Variants in CEP68 observed in about 807,000 individuals in gnomAD.
CEP68 encodes centrosomal protein of 68 kDa.
Under a neutral mutation model 55.3 loss-of-function variants are expected in CEP68, and 26 were observed. The ratio of observed to expected loss-of-function variants is 0.47; its 90% CI spans 0.34 to 0.65. The LOEUF is 0.65. Among genes scored for constraint, CEP68 ranks in the 30% least tolerant of loss-of-function variants. The pLI is 0.01. For synonymous variants in CEP68, 402 were observed against 383.2 expected, an observed-to-expected ratio of 1.05 and a Z score of -0.57; for missense variants, 957 against 946.7, an observed-to-expected ratio of 1.01 and a Z score of -0.14.
intron 4 of CEP68, 41 bp downstream of exon 4, chr2:65,074,445 G>C: frequency 1.2e-6 from 2 of 1,613,726 alleles, no homozygotes; most frequent in Non-Finnish European, 1.7e-6. Flanking sequence ...CCTCACAAGA[G>C]TGTGGCTAAA....
intron 4 of CEP68, among the ~76,000 whole-genome samples, chr2:65,075,859 G>T (rs1258556796): frequency 6.6e-6 from 1 of 152,084 alleles, no homozygotes; most frequent in African/African-American, 2.4e-5. Flanking sequence ...CAATTTACAT[G>T]TGCTTGGGCC....
chr2:65,071,432 T>G (rs759394853), intron 2 of CEP68, 22 bp from the exon 3 acceptor site: 1 of 1,598,124 alleles, frequency 6.3e-7, no homozygotes, highest in Non-Finnish European at 8.6e-7. Context: ...CCAAGTGCTT[T>G]TTGTCCCTTT....
chr2:65,069,626 T>C lies in CEP68; in HGVS notation c.182T>C (p.Ile61Thr), dbSNP rs1282613452. The C allele has an allele frequency of 1.9e-6, 3 of 1,614,042 alleles. No individual in the cohort carries two copies. Among genetic ancestry groups the C allele is most frequent in the South Asian group, 1.1e-5 (1 of 91,084 alleles). ...LISPVWGAEGIPAPTCWIGTD... is the reference protein window; with the variant it reads ...LISPVWGAEGTPAPTCWIGTD... ...TCCCCTGTATGGGGGGCAGAAGGGA[T>C]ACCTGCCCCTACTTGCTGGATTGGG... The change falls in exon 2 of 7, where the codon ATA becomes ACA. Residue 61 changes from isoleucine (I) to threonine (T), a missense_variant. Transcript: ENST00000377990.
chr2:65,074,091 C>T (rs1558564981), intron 3 of CEP68, 191 bp from the exon 4 acceptor site: 1 of 582,120 alleles, frequency 1.7e-6, no homozygotes, highest in Non-Finnish European at 2.9e-6. Flanking sequence ...GATGTCACAC[C>T]AGGCTGTGGT....
intron 4 of CEP68, among the ~76,000 whole-genome samples, chr2:65,076,085 G>T (rs1244354936): frequency 4.6e-5 from 7 of 151,436 alleles, no homozygotes; most frequent in Admixed American, 3.3e-4. Flanking sequence ...TCCACAATGA[G>T]TTCCTCTCCA....
chr2:65,057,666 A>G (rs1434059796), intron 1 of CEP68, among the ~76,000 whole-genome samples: 3 of 152,220 alleles, frequency 2.0e-5, no homozygotes, highest in Admixed American at 2.0e-4. Context: ...GAAGGAAGCC[A>G]AAAGGAAACA....
At chr2:65,078,430 C>G (rs778290888) in intron 5 of CEP68, among the ~76,000 whole-genome samples, 2 of 152,132 alleles carry the variant, frequency 1.3e-5, no homozygotes, top group Non-Finnish European at 1.5e-5. Flanking sequence ...TTGTATTGCT[C>G]AAAAGTATCT....
At chr2:65,077,730 G>A in intron 4 of CEP68, 138 bp from the exon 5 acceptor site, 1 of 559,798 alleles carries the variant, frequency 1.8e-6, no homozygotes, top group East Asian at 3.1e-5. Context: ...TTTACTTGGG[G>A]AATTCTGCAG....
intron 4 of CEP68, among the ~76,000 whole-genome samples, 196 bp from the exon 5 acceptor site, chr2:65,077,672 C>T (rs1004479136): frequency 1.3e-5 from 2 of 152,198 alleles, no homozygotes; most frequent in African/African-American, 4.8e-5. Flanking sequence ...AAACTACTGA[C>T]TCTATTTACC....
In CEP68 at chr2:65,072,879, G is replaced by C. The variant is rs769487982; in HGVS notation, c.1783G>C (p.Ala595Pro). The C allele has an allele frequency of 6.2e-7, 1 of 1,614,212 alleles. No homozygotes were observed. Among genetic ancestry groups the C allele is most frequent in the Non-Finnish European group, 8.5e-7 (1 of 1,180,044 alleles). Residue 595 changes from alanine to proline, a missense_variant, in exon 3 of 7, where the codon GCT becomes CCT. Physicochemically the swap from Ala to Pro is conservative, Grantham distance 27. Transcript: ENST00000377990. ...GLLKTRPSLP[A>P]RLDRWPFSDP... ...GCTGAAAACACGCCCCTCCTTGCCA[G>C]CTAGGTTGGACCGGTGGCCATTCTC... is the stretch of plus-strand genomic sequence containing the variant.
At chr2:65,083,425 G>A (rs934359967) in intron 6 of CEP68, among the ~76,000 whole-genome samples, 3 of 152,200 alleles carry the variant, frequency 2.0e-5, no homozygotes, top group Non-Finnish European at 2.9e-5. Flanking sequence ...TTGGACTGTC[G>A]TACGTCGCTC....
At chr2:65,075,848 A>G (rs879446226) in intron 4 of CEP68, among the ~76,000 whole-genome samples, 1 of 152,120 alleles carries the variant, frequency 6.6e-6, no homozygotes, top group Non-Finnish European at 1.5e-5. Context: ...AGCAGAGGAC[A>G]CAATTTACAT....
chr2:65,057,825 T>A (rs1486082258), intron 1 of CEP68, among the ~76,000 whole-genome samples: 3 of 147,132 alleles, frequency 2.0e-5, no homozygotes, highest in Non-Finnish European at 3.0e-5. Context: ...CTCTGATTAA[T>A]TTTTTTTTTA....
In CEP68 at chr2:65,085,445, A is replaced by AT. The variant is rs1310781546; in HGVS notation, c.*1812dup. On this transcript the variant is annotated 3_prime_UTR_variant, in exon 7 of 7. Coordinates refer to ENST00000377990, the MANE Select transcript of CEP68 (RefSeq NM_015147.3). The stretch of plus-strand genomic sequence containing the variant: ...GCTAACTCCCTGGACCTGGCTGTGA[A>AT]TGCTACTGAAGAGTATCAACACAAC... 3.3e-5 allele frequency: 5 copies of AT among 152,210 alleles called. No homozygotes were observed. Among genetic ancestry groups the AT allele is most frequent in the African/African-American group, 1.2e-4 (5 of 41,432 alleles). The allele number at this position is 152,210 out of a possible 1,614,324, so 9.4% of individuals were successfully genotyped here. A position where few individuals can be genotyped will look rare whatever the true frequency, so the allele number is the denominator to read the frequency against.
rs1217860856 is a variant in CEP68, at chr2:65,086,242, A to T, written c.*2608A>T. The T allele has an allele frequency of 2.0e-5, 3 of 152,192 alleles. No homozygotes were observed. The highest frequency in any genetic ancestry group is 2.1e-4 in the South Asian group (1 of 4,824). The allele number at this position is 152,192 out of a possible 1,614,324, so 9.4% of individuals were successfully genotyped here. Reference sequence around the variant, plus strand: ...CTATCATTCTGAAAGGATTTCACAGAGTGTGCAGCTGCTTAGATTTAAGAA... The same window carrying T: ...CTATCATTCTGAAAGGATTTCACAGTGTGTGCAGCTGCTTAGATTTAAGAA... On this transcript the variant is annotated 3_prime_UTR_variant, in exon 7 of 7. Transcript: ENST00000377990.
At chr2:65,068,182 A>G (rs779600426) in intron 1 of CEP68, among the ~76,000 whole-genome samples, 3 of 151,696 alleles carry the variant, frequency 2.0e-5, no homozygotes, top group Non-Finnish European at 4.4e-5. Context: ...CCCCTTCCAC[A>G]TCCTCCCAGC....
At chr2:65,064,682 T>C (rs915722404) in intron 1 of CEP68, among the ~76,000 whole-genome samples, 9 of 143,048 alleles carry the variant, frequency 6.3e-5, no homozygotes, top group Non-Finnish European at 1.2e-4. Flanking sequence ...TGCAGTGAGC[T>C]GAGATAGCGC....
intron 5 of CEP68, among the ~76,000 whole-genome samples, chr2:65,080,810 C>G (rs1676975795): frequency 6.6e-6 from 1 of 152,014 alleles, no homozygotes; most frequent in Non-Finnish European, 1.5e-5. Context: ...AAGAGTAAGA[C>G]TCCGTCTCAA....
intron 5 of CEP68, among the ~76,000 whole-genome samples, chr2:65,081,729 C>T (rs1219811604): frequency 6.6e-6 from 1 of 152,184 alleles, no homozygotes; most frequent in African/African-American, 2.4e-5. Flanking sequence ...CAGAGTTGCA[C>T]TCTTGTTGCC....
Sources: allele counts gnomAD v4.1 joint callset (sites outside exome capture counted in the v4.1 genomes callset), GRCh38; gene constraint gnomAD v4.1.1; transcripts MANE v1.5; gene names NCBI Gene and HGNC (gene_info 2026-07-23, HGNC 2026-07-21).